Variants in GHRH observed in about 807,000 individuals in gnomAD.
GHRH encodes the protein somatoliberin.
Under a neutral mutation model 15.6 loss-of-function variants are expected in GHRH, and 7 were observed. The ratio of observed to expected loss-of-function variants is 0.45; its 90% confidence interval spans 0.26 to 0.84. The LOEUF is 0.84. Among genes scored for constraint, GHRH ranks in the 40% least tolerant of loss-of-function variants. GHRH has a pLI of 0.18. For missense variants in GHRH, 117 were observed against 138.0 expected, an observed-to-expected ratio of 0.85 and a Z score of 0.76; for synonymous variants, 54 against 50.4, an observed-to-expected ratio of 1.07 and a Z score of -0.30.
At chr20:37,255,143 T>C (rs2146748569) in intron 3 of GHRH, among the ~76,000 whole-genome samples, 1 of 152,318 alleles carries the variant, frequency 6.6e-6, no homozygotes, top group South Asian at 2.1e-4. Context: ...AATGTGCATA[T>C]GTGTTTCTGT....
chr20:37,255,400 C>T (rs894407523), intron 3 of GHRH, among the ~76,000 whole-genome samples: 5 of 152,062 alleles, frequency 3.3e-5, no homozygotes, highest in Admixed American at 3.3e-4. Context: ...ATGGCTCACA[C>T]CTGTAATCCC....
chr20:37,251,589 G>C (rs962296224), intron 4 of GHRH, among the ~76,000 whole-genome samples: 1 of 152,226 alleles, frequency 6.6e-6, no homozygotes, highest in Non-Finnish European at 1.5e-5. Flanking sequence ...GTACAAGAAC[G>C]TGTCTAGTTC....
At chr20:37,254,455 C>T (rs2068644129) in intron 3 of GHRH, 126 bp from the exon 4 acceptor site, 1 of 943,070 alleles carries the variant, frequency 1.1e-6, no homozygotes, top group Non-Finnish European at 1.7e-6. Flanking sequence ...GATTCAGCCA[C>T]ACTTAGGGAG....
At chr20:37,257,360 C>T (rs1363058912) in intron 1 of GHRH, among the ~76,000 whole-genome samples, 1 of 151,816 alleles carries the variant, frequency 6.6e-6, no homozygotes, top group Non-Finnish European at 1.5e-5. Flanking sequence ...ACTAACATTA[C>T]AAAAATAAGA....
intron 3 of GHRH, 62 bp from the exon 4 acceptor site, chr20:37,254,391 T>C (rs926953784): frequency 1.3e-6 from 2 of 1,558,096 alleles, no homozygotes; most frequent in African/African-American, 2.7e-5. Context: ...GGCAGGGGTA[T>C]ATCCCTATGC....
At chr20:37,261,585 G>A (rs1206551908) in intron 1 of GHRH, among the ~76,000 whole-genome samples, 158 bp downstream of exon 1, 1 of 152,196 alleles carries the variant, frequency 6.6e-6, no homozygotes, top group Non-Finnish European at 1.5e-5. Context: ...CCCCTATTGA[G>A]GGGTGATTTT....
intron 1 of GHRH, among the ~76,000 whole-genome samples, chr20:37,260,106 G>C (rs1298211018): frequency 2.0e-5 from 3 of 152,114 alleles, no homozygotes; most frequent in African/African-American, 7.2e-5. Flanking sequence ...ACTTTGGTGG[G>C]GAGGGCAAGT....
At chr20:37,256,528 C>T (rs367766804) in intron 2 of GHRH, 30 bp from the exon 3 acceptor site, 62 of 1,436,252 alleles carry the variant, frequency 4.3e-5, no homozygotes, top group African/African-American at 3.2e-4. Context: ...GGTCAGAGGG[C>T]GGGGTGGAGG....
Position 37,254,233 on chromosome 20 carries a change from C to G in GHRH, c.285G>C (p.Leu95=), listed in dbSNP as rs751625125. ...EQKQMELESI[L]VALLQKHSRN... ...ACCTGTGCTTCTGCAGCAGGGCCAC[C>G]AGGATGCTCTCCAATTCCATTTGCT... is the stretch of plus-strand genomic sequence containing the variant. Residue 95 remains leucine, a synonymous_variant, in exon 4 of 5, where the codon CTG becomes CTC. Transcript: ENST00000373614. 8 of 1,614,106 alleles carry G rather than the reference C, an allele frequency of 5.0e-6. No individual in the cohort carries two copies. The East Asian group carries it at 8.9e-5, about 18-fold the overall frequency.
intron 2 of GHRH, 78 bp downstream of exon 2, chr20:37,256,729 G>A: frequency 8.7e-7 from 1 of 1,155,290 alleles, no homozygotes; most frequent in Non-Finnish European, 1.3e-6. Context: ...CTGATGGGCT[G>A]AGTCTGCATT....
At position 37,254,314 on chromosome 20, in the gene GHRH, C is replaced by T; in HGVS notation, c.204G>A (p.Glu68=). 6.2e-7 allele frequency: 1 copy of T among 1,614,172 alleles called. No individual in the cohort carries two copies. Among genetic ancestry groups the T allele is most frequent in the Non-Finnish European group, 8.5e-7 (1 of 1,180,010 alleles). The stretch of plus-strand genomic sequence containing the variant: ...GACCAAGCCGTGCCCTTGCTCCTCG[C>T]TCTTGGTTGCTCTCTCTGTGTGGTT... ...MSRQQGESNQ[E]RGARARLGRQ... The change falls in exon 4 of 5, where the codon GAG becomes GAA. Residue 68 remains glutamate, a synonymous_variant. Transcript: ENST00000373614.
chr20:37,254,007 T>C (rs57722910), intron 4 of GHRH, among the ~76,000 whole-genome samples: 14,807 of 152,254 alleles, frequency 0.097, 1,786 homozygotes, highest in African/African-American at 0.29. Flanking sequence ...CACCTTGGCC[T>C]CCCAAAGTGT....
chr20:37,258,080 C>G lies in GHRH; in HGVS notation c.-19-1172G>C, dbSNP rs1237862609. Reference sequence around the variant, plus strand: ...ACTACCCTTAATTGGGGCCTGCGGACAGCATGCTCTGCAATTAGGGGAAAA... The same window carrying G: ...ACTACCCTTAATTGGGGCCTGCGGAGAGCATGCTCTGCAATTAGGGGAAAA... On this transcript the variant is annotated intron_variant, in intron 1 of 4. Coordinates refer to ENST00000373614, the MANE Select transcript of GHRH (RefSeq NM_021081.6). This position sits in a 1 kb window ranked among gnomAD's most constrained non-coding sequence, Gnocchi z 4.1. Among the ~76,000 whole-genome samples the G allele has an allele frequency of 6.6e-6, 1 of 152,220 alleles. No homozygotes were observed. The highest frequency in any genetic ancestry group is 1.5e-5 in the Non-Finnish European group (1 of 68,048).
intron 1 of GHRH, among the ~76,000 whole-genome samples, chr20:37,260,856 T>C (rs1488002834): frequency 2.0e-5 from 3 of 152,190 alleles, no homozygotes; most frequent in Non-Finnish European, 2.9e-5. Context: ...CCAGCTTTCA[T>C]GCCAGGAATG....
Position 37,254,252 on chromosome 20 carries a change from A to G in GHRH, c.266T>C (p.Met89Thr). 6.2e-7 allele frequency: 1 copy of G among 1,614,070 alleles called. No homozygotes were observed. Among genetic ancestry groups the G allele is most frequent in the African/African-American group, 1.3e-5 (1 of 75,024 alleles). ...GGCCACCAGGATGCTCTCCAATTCC[A>G]TTTGCTTTTGTTCTGCCCACATGCT... ...VDSMWAEQKQ[M>T]ELESILVALL... Residue 89 changes from methionine (M) to threonine (T), a missense_variant, in exon 4 of 5, where the codon ATG becomes ACG. Met to Thr is a moderately conservative substitution (Grantham distance 81). Coordinates refer to ENST00000373614, the MANE Select transcript of GHRH (RefSeq NM_021081.6).
chr20:37,255,360 T>G (rs73293792), intron 3 of GHRH, among the ~76,000 whole-genome samples: 10,344 of 152,144 alleles, frequency 0.068, 771 homozygotes, highest in African/African-American at 0.19. Flanking sequence ...GTGTGTCCTT[T>G]AAAAGCTATT....
At chr20:37,257,283 G>A (rs566779863) in intron 1 of GHRH, among the ~76,000 whole-genome samples, 97 of 152,264 alleles carry the variant, frequency 6.4e-4, no homozygotes, top group African/African-American at 2.3e-3. Flanking sequence ...GGGAGGCTGA[G>A]GTGGGCGGAT....
At position 37,258,928 on chromosome 20, in the gene GHRH, T is replaced by C. The variant is rs2068672974; in HGVS notation, c.-19-2020A>G. On this transcript the variant is annotated intron_variant, in intron 1 of 4. Transcript: ENST00000373614. The surrounding 1 kb of genome is among the most constrained non-coding windows in gnomAD (Gnocchi z 4.1). The stretch of plus-strand genomic sequence containing the variant: ...CTAATTTTGAAATTTTTTGTAAAGA[T>C]AAAGTCTCACTATATTGCCGAGGCT... 1.3e-5 allele frequency among the ~76,000 whole-genome samples: 2 copies of C among 152,114 alleles called. No individual in the cohort carries two copies. The highest frequency in any genetic ancestry group is 4.1e-4 in the South Asian group (2 of 4,830).
intron 1 of GHRH, among the ~76,000 whole-genome samples, chr20:37,260,226 AC>A (rs1281938987): frequency 1.3e-5 from 2 of 152,084 alleles, no homozygotes; most frequent in South Asian, 2.1e-4. Flanking sequence ...ATAGGTCAAG[AC>A]CCCACAGCAA....
Sources: allele counts gnomAD v4.1 joint callset (sites outside exome capture counted in the v4.1 genomes callset), GRCh38; gene constraint gnomAD v4.1.1; non-coding constraint Gnocchi (gnomAD v3.1); transcripts MANE v1.5; gene names NCBI Gene and HGNC (gene_info 2026-07-23, HGNC 2026-07-21).